Variants in PTPRD observed in about 807,000 individuals in gnomAD.
The protein encoded by PTPRD is receptor-type tyrosine-protein phosphatase delta.
In PTPRD, 34 loss-of-function variants were observed where a neutral mutation model predicts 214.5. The ratio of observed to expected loss-of-function variants is 0.16; its 90% confidence interval spans 0.12 to 0.21. The LOEUF is 0.21. Ranked by LOEUF, PTPRD falls within the 10% of genes least tolerant of loss-of-function variation. The pLI is 1.00. For synonymous variants in PTPRD, 1,128 were observed against 845.7 expected, an observed-to-expected ratio of 1.33 and a Z score of -5.79; for missense variants, 2,545 against 2,398.7, an observed-to-expected ratio of 1.06 and a Z score of -1.27.
chr9:9,906,209 C>G (rs938993765), intron 5 of PTPRD, among the ~76,000 whole-genome samples: 4 of 151,770 alleles, frequency 2.6e-5, no homozygotes, highest in Non-Finnish European at 5.9e-5. Context: ...TAAAGTACAA[C>G]CAGTTTCATG....
intron 3 of PTPRD, among the ~76,000 whole-genome samples, chr9:10,311,037 G>C (rs1349351535): frequency 6.6e-6 from 1 of 151,962 alleles, no homozygotes; most frequent in African/African-American, 2.4e-5. Context: ...AAATGTGGAT[G>C]CAAGATCCAA....
At chr9:9,775,788 AAAAC>A (rs1597450612) in intron 5 of PTPRD, among the ~76,000 whole-genome samples, 2 of 151,952 alleles carry the variant, frequency 1.3e-5, no homozygotes, top group Non-Finnish European at 2.9e-5. Context: ...CTGAAAATAG[AAAAC>A]AAACAAACAA....
At chr9:9,161,022 A>G (rs1238932345) in intron 10 of PTPRD, among the ~76,000 whole-genome samples, 1 of 152,142 alleles carries the variant, frequency 6.6e-6, no homozygotes, top group Non-Finnish European at 1.5e-5. Context: ...AATGATTACC[A>G]GAGCCTGGGA....
intron 2 of PTPRD, among the ~76,000 whole-genome samples, chr9:10,552,068 T>C (rs937361645): frequency 6.6e-6 from 1 of 152,190 alleles, no homozygotes; most frequent in African/African-American, 2.4e-5. Flanking sequence ...AAAGGATTCA[T>C]GTTATATCAC....
intron 14 of PTPRD, among the ~76,000 whole-genome samples, chr9:8,529,317 T>C (rs998786209): frequency 6.6e-6 from 1 of 152,030 alleles, no homozygotes; most frequent in Non-Finnish European, 1.5e-5. Context: ...GCTGGTATGT[T>C]TTTCTTATAA....
At chr9:10,466,326 C>T (rs72700906) in intron 2 of PTPRD, among the ~76,000 whole-genome samples, 1 of 151,960 alleles carries the variant, frequency 6.6e-6, no homozygotes, top group Non-Finnish European at 1.5e-5. Flanking sequence ...AGATAAATAT[C>T]ATAAAAGAAA....
intron 9 of PTPRD, among the ~76,000 whole-genome samples, chr9:9,340,932 T>A (rs1357976573): frequency 6.6e-6 from 1 of 152,170 alleles, no homozygotes; most frequent in African/African-American, 2.4e-5. Flanking sequence ...ACAGCAGTTT[T>A]TGAACCTAAA....
chr9:9,341,840 C>T (rs2046920428), intron 9 of PTPRD, among the ~76,000 whole-genome samples: 1 of 152,098 alleles, frequency 6.6e-6, no homozygotes, highest in Non-Finnish European at 1.5e-5. Context: ...CAGGGCCTCA[C>T]TCTTGTCACC....
At chr9:9,399,106 T>C (rs2069112241) in intron 8 of PTPRD, among the ~76,000 whole-genome samples, 1 of 152,026 alleles carries the variant, frequency 6.6e-6, no homozygotes, top group Non-Finnish European at 1.5e-5. Context: ...TAATTATAAA[T>C]CCACTATTCT....
At chr9:10,231,989 A>AGAGAGAGAGTGTGTGTGTGTGTGT (rs1245284728) in intron 3 of PTPRD, among the ~76,000 whole-genome samples, 1 of 92,434 alleles carries the variant, frequency 1.1e-5, no homozygotes, top group African/African-American at 5.3e-5. Flanking sequence ...AGAGAGAGAG[A>AGAGAGAGAGTGTGTGTGTGTGTGT]GTGTGTGTGT....
At chr9:9,384,080 C>T (rs2063114550) in intron 9 of PTPRD, among the ~76,000 whole-genome samples, 1 of 150,942 alleles carries the variant, frequency 6.6e-6, no homozygotes, top group South Asian at 2.1e-4. Context: ...ATATTGAATT[C>T]AAACAATGAA....
chr9:9,933,476 A>G (rs1032245875), intron 5 of PTPRD, among the ~76,000 whole-genome samples: 4 of 151,836 alleles, frequency 2.6e-5, no homozygotes, highest in African/African-American at 7.3e-5. Flanking sequence ...CAAAAGAGAC[A>G]AAGAAGGCCA....
At chr9:8,563,995 T>A (rs140464678) in intron 14 of PTPRD, among the ~76,000 whole-genome samples, 1 of 152,260 alleles carries the variant, frequency 6.6e-6, no homozygotes, top group African/African-American at 2.4e-5. Flanking sequence ...CTTTAGACGG[T>A]GCGAAAGCAA....
chr9:9,094,201 T>C (rs1462727559), intron 10 of PTPRD, among the ~76,000 whole-genome samples: 8 of 152,102 alleles, frequency 5.3e-5, no homozygotes, highest in Non-Finnish European at 1.2e-4. Flanking sequence ...TAGAAAGTCA[T>C]TACGTGAGAA....
chr9:9,843,770 A>T (rs9407445), intron 5 of PTPRD, among the ~76,000 whole-genome samples: 66,499 of 151,780 alleles, frequency 0.44, 17,362 homozygotes, highest in Non-Finnish European at 0.6. Context: ...TTGCTGATTA[A>T]ATAATATTAA....
intron 3 of PTPRD, among the ~76,000 whole-genome samples, chr9:10,280,409 A>T (rs2095036013): frequency 6.6e-6 from 1 of 152,040 alleles, no homozygotes; most frequent in African/African-American, 2.4e-5. Context: ...ATATATTCTA[A>T]GATGCCTAAA....
At chr9:9,909,933 G>A (rs10816224) in intron 5 of PTPRD, among the ~76,000 whole-genome samples, 42,808 of 151,676 alleles carry the variant, frequency 0.28, 6,591 homozygotes, top group African/African-American at 0.39. Context: ...CCTATAGATA[G>A]TAGATAAGGC....
intron 7 of PTPRD, among the ~76,000 whole-genome samples, chr9:9,654,142 C>T (rs947819934): frequency 1.3e-5 from 2 of 152,070 alleles, no homozygotes; most frequent in Non-Finnish European, 2.9e-5. Context: ...ACCCAGGCTA[C>T]ATTATAATGT....
intron 6 of PTPRD, among the ~76,000 whole-genome samples, chr9:9,742,318 G>A (rs532417430): frequency 3.3e-5 from 5 of 152,154 alleles, no homozygotes; most frequent in Admixed American, 2.0e-4. Context: ...TCAGCAAGAT[G>A]GAATGTTCTT....
Sources: gnomAD v4.1 joint callset for allele counts (sites outside exome capture counted in the v4.1 genomes callset) on GRCh38, gnomAD v4.1.1 for gene constraint, MANE v1.5 for transcripts, NCBI Gene and HGNC (gene_info 2026-07-23, HGNC 2026-07-21) for gene names.